Variants in PHACTR3 observed in about 807,000 individuals in gnomAD.
PHACTR3 encodes phosphatase and actin regulator 3.
A neutral mutation model predicts 66.8 loss-of-function variants in PHACTR3; 16 were observed. The ratio of observed to expected loss-of-function variants is 0.24; its 90% CI spans 0.16 to 0.36. The LOEUF (loss-of-function observed/expected upper bound fraction) is 0.36. Among genes scored for constraint, PHACTR3 ranks in the 10% least tolerant of loss-of-function variants. The pLI, the probability that PHACTR3 is intolerant of heterozygous loss-of-function variation, is 1.00. For synonymous variants in PHACTR3, 323 were observed against 292.1 expected (o/e 1.11, Z -1.08); for missense variants, 647 against 719.9 (o/e 0.90, Z 1.16).
chr20:59,610,016 G>A (rs1176194303), intron 1 of PHACTR3, among the ~76,000 whole-genome samples: 4 of 152,160 alleles, frequency 2.6e-5, no homozygotes, highest in African/African-American at 7.2e-5. Context: ...CAGTTTGAGA[G>A]GCCTAGGTGG....
At chr20:59,668,970 ACTC>A (rs1363253584) in intron 1 of PHACTR3, among the ~76,000 whole-genome samples, 6 of 150,582 alleles carry the variant, frequency 4.0e-5, no homozygotes, top group Non-Finnish European at 5.9e-5. Flanking sequence ...CTGGTCTTGA[ACTC>A]CTGACCTTAA....
At chr20:59,751,839 G>A (rs534230157) in intron 3 of PHACTR3, among the ~76,000 whole-genome samples, 6 of 152,066 alleles carry the variant, frequency 3.9e-5, no homozygotes, top group African/African-American at 1.2e-4. Flanking sequence ...TTCCACCCTC[G>A]TCTCGGATAT....
chr20:59,632,580 C>T (rs567688181), intron 1 of PHACTR3, among the ~76,000 whole-genome samples: 12 of 152,280 alleles, frequency 7.9e-5, no homozygotes, highest in Admixed American at 4.6e-4. Context: ...GTTGATTTCC[C>T]GATGGCATTA....
chr20:59,683,175 T>G lies in PHACTR3; in HGVS notation c.119-59932T>G, dbSNP rs187028600. 4.3e-4 allele frequency among the ~76,000 whole-genome samples: 66 copies of G among 152,186 alleles called. No individual in the cohort carries two copies. In the East Asian group the frequency reaches 8.9e-3, roughly 21 times the overall value. Reference sequence around the variant, plus strand: ...GAGGACTCTCAGGTTCTGTCGTGAGTAACAGAAGGATAGAGCGTTGGTCCT... The same window carrying G: ...GAGGACTCTCAGGTTCTGTCGTGAGGAACAGAAGGATAGAGCGTTGGTCCT... On this transcript the variant is annotated intron_variant, in intron 1 of 12. Coordinates refer to ENST00000371015, the MANE Select transcript of PHACTR3 (RefSeq NM_080672.5).
intron 1 of PHACTR3, among the ~76,000 whole-genome samples, chr20:59,696,077 A>G (rs767387714): frequency 6.6e-5 from 10 of 152,220 alleles, no homozygotes; most frequent in Non-Finnish European, 1.2e-4. Context: ...TAATATCCTT[A>G]GCCCAGTTCC....
At chr20:59,683,753 T>G (rs1601094740) in intron 1 of PHACTR3, among the ~76,000 whole-genome samples, 1 of 152,294 alleles carries the variant, frequency 6.6e-6, no homozygotes, top group Admixed American at 6.5e-5. Context: ...CTTGAAGTTC[T>G]TGGAAGATTG....
chr20:59,646,513 C>G (rs2035284870), intron 1 of PHACTR3, among the ~76,000 whole-genome samples: 1 of 152,098 alleles, frequency 6.6e-6, no homozygotes, highest in African/African-American at 2.4e-5. Context: ...AGGAGTTACA[C>G]TGAACGAAGT....
In PHACTR3 at chr20:59,676,403, C is replaced by A. The variant is rs191419622; in HGVS notation, c.119-66704C>A. 7.9e-5 allele frequency among the ~76,000 whole-genome samples: 12 copies of A among 152,320 alleles called. No homozygotes were observed. In the East Asian group the frequency reaches 1.5e-3, roughly 20 times the overall value. ...GAGCAGAGGGGAGGCTTGTTGGGGG[C>A]CAGCACTTGATCCACTGAGCCGGAC... On this transcript the variant is annotated intron_variant, in intron 1 of 12. Coordinates refer to ENST00000371015, the MANE Select transcript of PHACTR3 (RefSeq NM_080672.5).
chr20:59,750,966 G>A (rs1601261008), intron 3 of PHACTR3, among the ~76,000 whole-genome samples: 1 of 152,332 alleles, frequency 6.6e-6, no homozygotes, highest in Non-Finnish European at 1.5e-5. Flanking sequence ...GTCGACCTGA[G>A]GTCAGACCCT....
At chr20:59,751,470 A>G (rs956745372) in intron 3 of PHACTR3, among the ~76,000 whole-genome samples, 6 of 152,128 alleles carry the variant, frequency 3.9e-5, no homozygotes, top group African/African-American at 1.4e-4. Context: ...ACGCGCATGT[A>G]TGCACACACA....
intron 1 of PHACTR3, among the ~76,000 whole-genome samples, chr20:59,649,473 C>T (rs569281473): frequency 2.0e-5 from 3 of 152,150 alleles, no homozygotes; most frequent in South Asian, 2.1e-4. Flanking sequence ...TGTTGTAACT[C>T]GGGGGATAAA....
chr20:59,787,076 A>C (rs536159895), intron 7 of PHACTR3, among the ~76,000 whole-genome samples: 29 of 152,338 alleles, frequency 1.9e-4, no homozygotes, highest in African/African-American at 5.8e-4. Context: ...CTTGTGCCCT[A>C]TTCTGTTGCA....
intron 1 of PHACTR3, among the ~76,000 whole-genome samples, chr20:59,683,425 C>T (rs2036736848): frequency 6.6e-6 from 1 of 151,716 alleles, no homozygotes; most frequent in South Asian, 2.1e-4. Flanking sequence ...CTCTCCCTGA[C>T]TTAGTCATTT....
chr20:59,770,324 G>T (rs1313113162), intron 5 of PHACTR3, among the ~76,000 whole-genome samples: 1 of 152,206 alleles, frequency 6.6e-6, no homozygotes, highest in African/African-American at 2.4e-5. Flanking sequence ...ACATTTTGGT[G>T]ACTTTGATTT....
chr20:59,776,519 C>T (rs1182575221), intron 7 of PHACTR3, among the ~76,000 whole-genome samples: 1 of 24,208 alleles, frequency 4.1e-5, no homozygotes, highest in East Asian at 4.3e-4. Flanking sequence ...GGGAGGATAG[C>T]CCCTGGGGAG....
chr20:59,797,341 T>G (rs1283350013), intron 7 of PHACTR3, among the ~76,000 whole-genome samples: 1 of 152,172 alleles, frequency 6.6e-6, no homozygotes, highest in African/African-American at 2.4e-5. Context: ...TTTATTTCTT[T>G]AGGGTCAGTT....
At chr20:59,788,162 T>C (rs2040979134) in intron 7 of PHACTR3, among the ~76,000 whole-genome samples, 1 of 152,158 alleles carries the variant, frequency 6.6e-6, no homozygotes, top group Non-Finnish European at 1.5e-5. Context: ...GCCTTTGCAT[T>C]CTCATAGCTT....
chr20:59,784,702 G>T (rs954964190), intron 7 of PHACTR3, among the ~76,000 whole-genome samples: 4 of 152,166 alleles, frequency 2.6e-5, no homozygotes, highest in Admixed American at 1.3e-4. Context: ...GCCTCTGAGG[G>T]TTGTCCCAAG....
At chr20:59,630,794 C>T (rs1289439164) in intron 1 of PHACTR3, among the ~76,000 whole-genome samples, 2 of 151,584 alleles carry the variant, frequency 1.3e-5, no homozygotes, top group African/African-American at 2.4e-5. Flanking sequence ...CTTGTACTGT[C>T]GAAGTGGGGA....
Sources: allele counts gnomAD v4.1 joint callset (sites outside exome capture counted in the v4.1 genomes callset), GRCh38; gene constraint gnomAD v4.1.1; transcripts MANE v1.5; gene names NCBI Gene and HGNC (gene_info 2026-07-23, HGNC 2026-07-21).